Variants in CNTN6 observed in about 807,000 individuals in gnomAD.
The protein encoded by CNTN6 is contactin-6.
A neutral mutation model predicts 122.8 loss-of-function variants in CNTN6; 137 were observed. That is an observed-to-expected ratio of 1.12 (90% CI 0.97 to 1.29). The LOEUF (loss-of-function observed/expected upper bound fraction) is 1.29. Ranked by LOEUF, CNTN6 falls within the 50% of genes most tolerant of loss-of-function variation. CNTN6 has a pLI of 0.00. For synonymous variants in CNTN6, 570 were observed against 426.0 expected (o/e 1.34, Z -4.16); for missense variants, 1,634 against 1,223.4 (o/e 1.34, Z -5.01).
intron 2 of CNTN6, among the ~76,000 whole-genome samples, chr3:1,208,405 T>C (rs530481230): frequency 6.6e-5 from 10 of 152,276 alleles, no homozygotes; most frequent in African/African-American, 2.4e-4. Flanking sequence ...CTGTAACTCC[T>C]GTTTCAATGC....
chr3:1,096,185 C>T (rs1346613660), intron 1 of CNTN6, among the ~76,000 whole-genome samples: 1 of 152,044 alleles, frequency 6.6e-6, no homozygotes, highest in Non-Finnish European at 1.5e-5. Context: ...ATTTTTAGGT[C>T]TGTCTGCAAT....
At chr3:1,113,933 G>A (rs2091598270) in intron 1 of CNTN6, among the ~76,000 whole-genome samples, 1 of 152,124 alleles carries the variant, frequency 6.6e-6, no homozygotes, top group African/African-American at 2.4e-5. Flanking sequence ...CACAGAGCAA[G>A]GACAATCCTG....
chr3:1,139,471 C>A (rs1029671233), intron 1 of CNTN6, among the ~76,000 whole-genome samples: 77 of 152,210 alleles, frequency 5.1e-4, no homozygotes, highest in African/African-American at 1.8e-3. Context: ...TTGTACTCAT[C>A]AAATTAAAAC....
At chr3:1,205,749 AAAG>A (rs2093949281) in intron 2 of CNTN6, among the ~76,000 whole-genome samples, 1 of 152,228 alleles carries the variant, frequency 6.6e-6, no homozygotes, top group Non-Finnish European at 1.5e-5. Flanking sequence ...CAACTTGTTC[AAAG>A]AAGAATCCAA....
At chr3:1,103,446 A>G (rs1019154044) in intron 1 of CNTN6, among the ~76,000 whole-genome samples, 2 of 152,324 alleles carry the variant, frequency 1.3e-5, no homozygotes, top group African/African-American at 2.4e-5. Context: ...TGCGGTTTGT[A>G]GAAAAGAGAA....
intron 11 of CNTN6, among the ~76,000 whole-genome samples, chr3:1,351,237 T>G (rs181694849): frequency 5.3e-4 from 81 of 152,090 alleles, no homozygotes; most frequent in Non-Finnish European, 1.0e-3. Context: ...TTAGCTACAT[T>G]TTGTGTTATA....
intron 7 of CNTN6, among the ~76,000 whole-genome samples, chr3:1,300,503 G>GGGA: frequency 8.2e-6 from 1 of 121,408 alleles, no homozygotes; most frequent in African/African-American, 3.7e-5. Flanking sequence ...AAAAAGAAAA[G>GGGA]AAAGAGAAAG....
chr3:1,118,079 AG>A (rs1335820871), intron 1 of CNTN6, among the ~76,000 whole-genome samples: 2 of 152,316 alleles, frequency 1.3e-5, no homozygotes, highest in Non-Finnish European at 2.9e-5. Context: ...CATGTTTTCA[AG>A]AGGATTAAAT....
At chr3:1,312,539 T>G (rs1194819557) in intron 7 of CNTN6, among the ~76,000 whole-genome samples, 1 of 151,718 alleles carries the variant, frequency 6.6e-6, no homozygotes, top group African/African-American at 2.4e-5. Context: ...ATCTCTAAGC[T>G]TCTACTCAAA....
chr3:1,173,147 C>T, intron 2 of CNTN6: 1 of 443,976 alleles, frequency 2.3e-6, no homozygotes, highest in Non-Finnish European at 4.5e-6. Flanking sequence ...GACATCTCTC[C>T]AGGCATACCG....
In CNTN6 at chr3:1,246,800, T is replaced by C. The variant is rs114625886; in HGVS notation, c.358+18807T>C. Among the ~76,000 whole-genome samples the C allele has an allele frequency of 3.6e-4, 55 of 152,300 alleles. 1 individual carries two copies. The highest frequency in any genetic ancestry group is 1.2e-3 in the African/African-American group (51 of 41,580). On this transcript the variant is annotated intron_variant, in intron 4 of 22. Transcript: ENST00000446702. The stretch of plus-strand genomic sequence containing the variant: ...TGAAATTGGGCACTTTTTAAAATTA[T>C]TATTGGCTATTTGGAAACCTCCCTC...
intron 7 of CNTN6, among the ~76,000 whole-genome samples, chr3:1,319,207 C>T (rs1700511551): frequency 6.6e-6 from 1 of 151,410 alleles, no homozygotes; most frequent in South Asian, 2.1e-4. Flanking sequence ...CTACTTTTGC[C>T]ATGACTTTTA....
At chr3:1,349,524 G>GA (rs959307267) in intron 11 of CNTN6, among the ~76,000 whole-genome samples, 2 of 151,506 alleles carry the variant, frequency 1.3e-5, no homozygotes, top group South Asian at 4.2e-4. Context: ...AAGAAGAATA[G>GA]AAAAAAATCA....
intron 7 of CNTN6, among the ~76,000 whole-genome samples, chr3:1,300,133 C>G (rs56235936): frequency 9.2e-5 from 14 of 152,052 alleles, no homozygotes; most frequent in African/African-American, 3.1e-4. Context: ...CCCGCCACCA[C>G]GCTAAGCTAA....
chr3:1,228,397 A>G (rs2094313004), intron 4 of CNTN6, among the ~76,000 whole-genome samples: 1 of 152,162 alleles, frequency 6.6e-6, no homozygotes, highest in Non-Finnish European at 1.5e-5. Flanking sequence ...CGTTCTCCCA[A>G]GAAAAGCGAT....
chr3:1,334,942 A>G (rs959572280), intron 11 of CNTN6, among the ~76,000 whole-genome samples: 3 of 152,142 alleles, frequency 2.0e-5, no homozygotes, highest in African/African-American at 4.8e-5. Context: ...TCATTCTGCA[A>G]ATATTTGCTG....
At chr3:1,107,209 A>G (rs1254723690) in intron 1 of CNTN6, among the ~76,000 whole-genome samples, 1 of 152,146 alleles carries the variant, frequency 6.6e-6, no homozygotes, top group Non-Finnish European at 1.5e-5. Flanking sequence ...CAATGATACT[A>G]GTAAGAGAAA....
At chr3:1,391,276 G>C (rs1432656548) in intron 20 of CNTN6, among the ~76,000 whole-genome samples, 2 of 120,070 alleles carry the variant, frequency 1.7e-5, no homozygotes, top group Middle Eastern at 4.0e-3. Flanking sequence ...ATGTAATCCA[G>C]CATATAAACA....
intron 4 of CNTN6, among the ~76,000 whole-genome samples, chr3:1,268,573 C>G (rs1478202059): frequency 4.4e-5 from 6 of 135,808 alleles, no homozygotes; most frequent in Non-Finnish European, 6.2e-5. Flanking sequence ...AGCCACTGCA[C>G]TCCAGCCTGG....
Sources: allele counts gnomAD v4.1 joint callset (sites outside exome capture counted in the v4.1 genomes callset), GRCh38; gene constraint gnomAD v4.1.1; transcripts MANE v1.5; gene names NCBI Gene and HGNC (gene_info 2026-07-23, HGNC 2026-07-21).